KHDRBS2: variants seen among roughly 807,000 people sequenced by gnomAD.
KHDRBS2 encodes KH domain-containing, RNA-binding, signal transduction-associated protein 2.
Under a neutral mutation model 44.3 loss-of-function variants are expected in KHDRBS2, and 26 were observed. That is an observed-to-expected ratio of 0.59 (90% CI 0.43 to 0.81). The LOEUF (loss-of-function observed/expected upper bound fraction) is 0.81, where lower values mean the gene tolerates loss of function less well. Ranked by LOEUF, KHDRBS2 falls within the 40% of genes least tolerant of loss-of-function variation. The probability of loss-of-function intolerance (pLI) is 0.00; values close to 1 mark genes in which losing one functional copy is unlikely to be tolerated. For synonymous variants in KHDRBS2, 194 were observed against 151.1 expected, an observed-to-expected ratio of 1.28 and a Z score of -2.08; for missense variants, 476 against 433.1, an observed-to-expected ratio of 1.10 and a Z score of -0.88.
intron 6 of KHDRBS2, among the ~76,000 whole-genome samples, chr6:61,844,734 G>C (rs1794115125): frequency 1.6e-5 from 2 of 126,944 alleles, no homozygotes; most frequent in Non-Finnish European, 3.4e-5. Flanking sequence ...ATATATTCTT[G>C]ATACTCCTGT....
chr6:61,581,595 C>T, the KHDRBS2 span, among the ~76,000 whole-genome samples: 2 of 145,234 alleles, frequency 1.4e-5, no homozygotes, highest in East Asian at 3.9e-4. Context: ...ATACAATATA[C>T]AATATACAAT....
intron 8 of KHDRBS2, among the ~76,000 whole-genome samples, chr6:61,696,736 T>C (rs569468462): frequency 9.9e-5 from 15 of 152,150 alleles, no homozygotes; most frequent in Non-Finnish European, 1.9e-4. Context: ...TTATTGACTA[T>C]CAATTTTTTT....
chr6:61,671,012 A>G, the KHDRBS2 span, among the ~76,000 whole-genome samples: 1 of 151,668 alleles, frequency 6.6e-6, no homozygotes, highest in African/African-American at 2.4e-5. Flanking sequence ...TGCGAAAATG[A>G]CACAAGACAC....
chr6:62,058,854 T>C (rs996036907), intron 2 of KHDRBS2, among the ~76,000 whole-genome samples: 31 of 151,810 alleles, frequency 2.0e-4, no homozygotes, highest in African/African-American at 7.5e-4. Flanking sequence ...TGATTTAGAA[T>C]TAACCATTAA....
At chr6:61,782,329 C>T (rs996001997) in intron 6 of KHDRBS2, among the ~76,000 whole-genome samples, 1 of 151,976 alleles carries the variant, frequency 6.6e-6, no homozygotes, top group African/African-American at 2.4e-5. Flanking sequence ...TTAAGATCAA[C>T]CAACTCATTC....
At chr6:62,241,558 T>C (rs1430756634) in intron 1 of KHDRBS2, among the ~76,000 whole-genome samples, 1 of 152,256 alleles carries the variant, frequency 6.6e-6, no homozygotes, top group East Asian at 1.9e-4. Flanking sequence ...TCAGTTATCC[T>C]GGATAAGTGT....
chr6:62,119,703 C>T (rs1227372235), intron 2 of KHDRBS2, among the ~76,000 whole-genome samples: 1 of 152,174 alleles, frequency 6.6e-6, no homozygotes, highest in Non-Finnish European at 1.5e-5. Flanking sequence ...AGCCTCCCTG[C>T]CCCCAGTGGT....
chr6:62,229,547 G>A (rs1832545352), intron 1 of KHDRBS2, among the ~76,000 whole-genome samples: 1 of 152,198 alleles, frequency 6.6e-6, no homozygotes, highest in Admixed American at 6.5e-5. Context: ...CCCCACTGGA[G>A]CTCGGCTGGC....
chr6:61,934,396 T>A (rs1583586614), intron 4 of KHDRBS2, among the ~76,000 whole-genome samples: 2 of 152,260 alleles, frequency 1.3e-5, no homozygotes, highest in South Asian at 4.1e-4. Context: ...ATGAAGCATT[T>A]CCCCTAGGAG....
chr6:61,753,139 T>G (rs1777974365), intron 6 of KHDRBS2, among the ~76,000 whole-genome samples: 1 of 152,112 alleles, frequency 6.6e-6, no homozygotes, highest in Non-Finnish European at 1.5e-5. Flanking sequence ...AACTCATCAT[T>G]CGTGTTGCTC....
At chr6:62,004,864 C>T (rs1411075905) in intron 3 of KHDRBS2, among the ~76,000 whole-genome samples, 4 of 152,056 alleles carry the variant, frequency 2.6e-5, no homozygotes, top group Non-Finnish European at 2.9e-5. Context: ...TCAACATACA[C>T]AAATCAATAA....
rs573570124 is a variant in KHDRBS2, at chr6:61,804,994, T to C, written c.811-72230A>G. Among the ~76,000 whole-genome samples, 3 of 152,228 alleles carry C rather than the reference T, an allele frequency of 2.0e-5. No individual in the cohort carries two copies. In the South Asian group the frequency reaches 6.2e-4, roughly 32 times the overall value. ...CTGCCTTAAATTTCTCCTCAGAAAA[T>C]GGATTTTTCTTTTCTATTGCATCAT... On this transcript the variant is annotated intron_variant, in intron 6 of 8. Transcript: ENST00000281156.
chr6:61,709,606 C>A (rs191824244), intron 7 of KHDRBS2, among the ~76,000 whole-genome samples: 40 of 151,492 alleles, frequency 2.6e-4, no homozygotes, highest in African/African-American at 8.9e-4. Context: ...TTACTTTGAC[C>A]CTTTATTACA....
chr6:61,787,131 G>A (rs1783940431), intron 6 of KHDRBS2, among the ~76,000 whole-genome samples: 1 of 149,928 alleles, frequency 6.7e-6, no homozygotes, highest in South Asian at 2.1e-4. Context: ...TAGAGTTACG[G>A]TGTTGTTAGA....
At chr6:61,579,750 C>T in the KHDRBS2 span, among the ~76,000 whole-genome samples, 2 of 152,136 alleles carry the variant, frequency 1.3e-5, no homozygotes, top group African/African-American at 4.8e-5. Flanking sequence ...CTAAGCATGA[C>T]TCCAAAGATT....
intron 4 of KHDRBS2, among the ~76,000 whole-genome samples, chr6:61,943,004 AAGAG>A (rs60408267): frequency 2.8e-5 from 4 of 142,878 alleles, no homozygotes; most frequent in South Asian, 2.3e-4. Context: ...GAAAGAAAGA[AAGAG>A]AGAGAGAGAG....
chr6:62,113,472 A>G (rs891869233), intron 2 of KHDRBS2, among the ~76,000 whole-genome samples: 2 of 152,182 alleles, frequency 1.3e-5, no homozygotes, highest in African/African-American at 4.8e-5. Flanking sequence ...TATGAGGTAC[A>G]GAAAAATAAA....
chr6:62,044,880 T>C lies in KHDRBS2; in HGVS notation c.336+2998A>G, dbSNP rs573565348. Among the ~76,000 whole-genome samples, 3 of 152,260 alleles carry C rather than the reference T, an allele frequency of 2.0e-5. No homozygotes were observed. The South Asian group carries it at 6.2e-4, about 32-fold the overall frequency. ...TGCCTAAGTTTGGTCAAGGAGAGTCTTTGTCAACATACATACCCATACATA... is the reference window on the plus strand; with the variant it reads ...TGCCTAAGTTTGGTCAAGGAGAGTCCTTGTCAACATACATACCCATACATA... On this transcript the variant is annotated intron_variant, in intron 3 of 8. Coordinates refer to ENST00000281156, the MANE Select transcript of KHDRBS2 (RefSeq NM_152688.4).
At chr6:61,891,346 T>A (rs1562379412) in intron 6 of KHDRBS2, among the ~76,000 whole-genome samples, 1 of 152,242 alleles carries the variant, frequency 6.6e-6, no homozygotes, top group African/African-American at 2.4e-5. Context: ...AGTATTTTAC[T>A]GAGGATTTTT....
Sources: gnomAD v4.1 joint callset for allele counts (sites outside exome capture counted in the v4.1 genomes callset) on GRCh38, gnomAD v4.1.1 for gene constraint, MANE v1.5 for transcripts, NCBI Gene and HGNC (gene_info 2026-07-23, HGNC 2026-07-21) for gene names.